PDZRN3: variants seen among roughly 807,000 people sequenced by gnomAD.
PDZRN3 encodes E3 ubiquitin-protein ligase PDZRN3.
In PDZRN3, 38 loss-of-function variants were observed where a neutral mutation model predicts 85.7. That is an observed-to-expected ratio of 0.44 (90% confidence interval 0.34 to 0.58). PDZRN3 has a LOEUF of 0.58. Among genes scored for constraint, PDZRN3 ranks in the 20% least tolerant of loss-of-function variants. The pLI is 0.01. For synonymous variants in PDZRN3, 759 were observed against 638.0 expected, an observed-to-expected ratio of 1.19 and a Z score of -2.86; for missense variants, 1,629 against 1,506.4, an observed-to-expected ratio of 1.08 and a Z score of -1.35.
At chr3:73,563,013 A>ATATTTTTT (rs1187151191) in intron 3 of PDZRN3, among the ~76,000 whole-genome samples, 1 of 43,760 alleles carries the variant, frequency 2.3e-5, no homozygotes, top group African/African-American at 1.0e-4. Flanking sequence ...ATATATATAT[A>ATATTTTTT]TTTTTTTTTT....
intron 8 of PDZRN3, among the ~76,000 whole-genome samples, chr3:73,386,285 TG>T (rs1701385436): frequency 7.6e-6 from 1 of 132,262 alleles, no homozygotes; most frequent in Non-Finnish European, 1.5e-5. Context: ...TGGAGTGCAG[TG>T]GCACGATCTA....
chr3:73,465,651 C>A (rs1235575294), intron 3 of PDZRN3, among the ~76,000 whole-genome samples: 1 of 152,170 alleles, frequency 6.6e-6, no homozygotes, highest in Non-Finnish European at 1.5e-5. Context: ...GTGTTTAGTG[C>A]CAGAGAAACG....
intron 1 of PDZRN3, among the ~76,000 whole-genome samples, chr3:73,617,311 T>C (rs1444727382): frequency 6.6e-6 from 1 of 152,238 alleles, no homozygotes; most frequent in Non-Finnish European, 1.5e-5. Context: ...ATCTGGTAGT[T>C]ATTTTCTTTA....
chr3:73,529,250 G>C (rs910334980), intron 3 of PDZRN3, among the ~76,000 whole-genome samples: 5 of 152,198 alleles, frequency 3.3e-5, no homozygotes, highest in Non-Finnish European at 7.4e-5. Flanking sequence ...TTCTTGTTTA[G>C]TAGCTGTGGG....
At chr3:73,540,576 A>G (rs1054176897) in intron 3 of PDZRN3, among the ~76,000 whole-genome samples, 2 of 152,140 alleles carry the variant, frequency 1.3e-5, no homozygotes, top group African/African-American at 4.8e-5. Context: ...ATAGTGAATG[A>G]GTTCTCACAA....
intron 3 of PDZRN3, among the ~76,000 whole-genome samples, chr3:73,441,942 G>A (rs1410539735): frequency 6.6e-6 from 1 of 152,204 alleles, no homozygotes; most frequent in Non-Finnish European, 1.5e-5. Flanking sequence ...GCTACCAAAT[G>A]GCCTGATCAC....
intron 3 of PDZRN3, among the ~76,000 whole-genome samples, chr3:73,488,581 C>T (rs76557911): frequency 0.011 from 1,704 of 152,294 alleles, 14 homozygotes; most frequent in Non-Finnish European, 0.019. Context: ...CTCTACAAGT[C>T]TCTCACCTTC....
At chr3:73,439,992 C>A (rs1345272852) in intron 3 of PDZRN3, among the ~76,000 whole-genome samples, 2 of 152,142 alleles carry the variant, frequency 1.3e-5, no homozygotes, top group Admixed American at 6.5e-5. Flanking sequence ...CCCACCTCAG[C>A]CTCCCAAAGT....
chr3:73,500,061 T>C (rs573058939), intron 3 of PDZRN3, among the ~76,000 whole-genome samples: 3 of 152,290 alleles, frequency 2.0e-5, no homozygotes, highest in East Asian at 1.9e-4. Flanking sequence ...CTTGCTTTTT[T>C]TCCCCCACCT....
At chr3:73,389,979 T>G (rs976785958) in intron 6 of PDZRN3, 101 bp from the exon 7 acceptor site, 1 of 857,972 alleles carries the variant, frequency 1.2e-6, no homozygotes, top group South Asian at 1.4e-5. Context: ...TGCTCACCCC[T>G]GTGTTTCTGT....
chr3:73,444,361 C>T (rs1308987425), intron 3 of PDZRN3, among the ~76,000 whole-genome samples: 2 of 152,180 alleles, frequency 1.3e-5, no homozygotes, highest in African/African-American at 2.4e-5. Flanking sequence ...TCCATCTGTC[C>T]TCCTACTCCT....
At chr3:73,501,363 T>C (rs368657869) in intron 3 of PDZRN3, among the ~76,000 whole-genome samples, 3 of 152,292 alleles carry the variant, frequency 2.0e-5, no homozygotes, top group East Asian at 1.9e-4. Context: ...ACTTTTAACA[T>C]GTTCCTGGAG....
chr3:73,529,141 C>A (rs1179077418), intron 3 of PDZRN3, among the ~76,000 whole-genome samples: 1 of 152,102 alleles, frequency 6.6e-6, no homozygotes, highest in Non-Finnish European at 1.5e-5. Flanking sequence ...GTAAGCACCT[C>A]TGCTGGAAAA....
At chr3:73,430,192 T>A (rs1194783957) in intron 3 of PDZRN3, among the ~76,000 whole-genome samples, 1 of 152,234 alleles carries the variant, frequency 6.6e-6, no homozygotes, top group African/African-American at 2.4e-5. Context: ...TATCTCTTCA[T>A]GCTTGTGTAC....
chr3:73,540,995 A>T (rs1704907486), intron 3 of PDZRN3, among the ~76,000 whole-genome samples: 1 of 152,262 alleles, frequency 6.6e-6, no homozygotes, highest in South Asian at 2.1e-4. Context: ...AAAGGGAATC[A>T]AACTGTCTAC....
intron 3 of PDZRN3, among the ~76,000 whole-genome samples, chr3:73,486,631 A>C (rs1703666785): frequency 6.6e-6 from 1 of 152,206 alleles, no homozygotes; most frequent in Non-Finnish European, 1.5e-5. Flanking sequence ...AATAATAAGT[A>C]TATTTTACCA....
intron 1 of PDZRN3, among the ~76,000 whole-genome samples, chr3:73,610,415 C>T (rs1702665275): frequency 6.6e-6 from 1 of 152,286 alleles, no homozygotes; most frequent in African/African-American, 2.4e-5. Context: ...CTCTTTATAA[C>T]CAATTTGAAC....
At chr3:73,551,688 CAAAAAA>C (rs71126878) in intron 3 of PDZRN3, among the ~76,000 whole-genome samples, 5 of 104,566 alleles carry the variant, frequency 4.8e-5, no homozygotes, top group Admixed American at 1.0e-4. Flanking sequence ...GACCCTGTTT[CAAAAAA>C]AAAAAAAAAA....
chr3:73,435,272 C>T (rs1013663327), intron 3 of PDZRN3, among the ~76,000 whole-genome samples: 1 of 152,146 alleles, frequency 6.6e-6, no homozygotes, highest in African/African-American at 2.4e-5. Context: ...GCTAACAGCC[C>T]TGACTTGCTG....
Sources: allele counts gnomAD v4.1 joint callset (sites outside exome capture counted in the v4.1 genomes callset), GRCh38; gene constraint gnomAD v4.1.1; transcripts MANE v1.5; gene names NCBI Gene and HGNC (gene_info 2026-07-23, HGNC 2026-07-21).